Variants in IFT70B observed in about 807,000 individuals in gnomAD.
The protein encoded by IFT70B is intraflagellar transport protein 70B.
At chr2:177,550,966 G>A in the IFT70B span, 70 of 1,614,116 alleles carry the variant, frequency 4.3e-5, no homozygotes, top group East Asian at 1.3e-3. Flanking sequence ...ATGATTGTGT[G>A]TTTTGACATG....
chr2:177,552,750 C>A, the IFT70B span: 1 of 1,570,826 alleles, frequency 6.4e-7, no homozygotes, highest in Non-Finnish European at 8.6e-7. Context: ...CTGCGCGCCG[C>A]TCAGGCCAGC....
chr2:177,552,272 G>C, the IFT70B span: 21 of 1,614,108 alleles, frequency 1.3e-5, no homozygotes, highest in Middle Eastern at 9.9e-4. Context: ...CCTCCTTGTA[G>C]AGCAAACAAC....
chr2:177,552,240 G>A, the IFT70B span: 12 of 1,614,236 alleles, frequency 7.4e-6, no homozygotes, highest in Admixed American at 2.0e-4. Flanking sequence ...AAAAAACTTG[G>A]AGCATGCAGC....
chr2:177,552,580 C>T, the IFT70B span: 3 of 1,596,938 alleles, frequency 1.9e-6, no homozygotes, highest in Non-Finnish European at 2.6e-6. Context: ...GCCGCCAGCG[C>T]GAACTCCTGC....
At chr2:177,551,275 T>C in the IFT70B span, 2 of 1,613,506 alleles carry the variant, frequency 1.2e-6, no homozygotes, top group Non-Finnish European at 1.7e-6. Context: ...ACAATAGCAC[T>C]GACATTCAGG....
At chr2:177,551,672 A>G in the IFT70B span, 17 of 1,614,070 alleles carry the variant, frequency 1.1e-5, no homozygotes, top group Middle Eastern at 3.3e-4. Context: ...AAGTGATCAC[A>G]GCGTCCAAGA....
chr2:177,550,669 G>C, the IFT70B span: 1 of 1,158,452 alleles, frequency 8.6e-7, no homozygotes, highest in South Asian at 1.6e-5. Context: ...AGTGTACAAA[G>C]TTCAACATGT....
chr2:177,552,702 A>T, the IFT70B span: 5 of 1,599,346 alleles, frequency 3.1e-6, no homozygotes, highest in Middle Eastern at 5.0e-4. Context: ...ATTGCGGATG[A>T]GGCGGTACAC....
chr2:177,552,135 T>C, the IFT70B span: 45 of 1,614,124 alleles, frequency 2.8e-5, no homozygotes, highest in Non-Finnish European at 3.6e-5. Flanking sequence ...CTCAGCGATA[T>C]GCTTCAGTGC....
the IFT70B span, chr2:177,549,045 A>G: frequency 6.6e-6 from 1 of 152,204 alleles, no homozygotes; most frequent in Non-Finnish European, 1.5e-5. Flanking sequence ...TGGCCATTGA[A>G]AACAAGATTT....
At chr2:177,551,171 G>C in the IFT70B span, 2 of 1,613,996 alleles carry the variant, frequency 1.2e-6, no homozygotes, top group East Asian at 2.2e-5. Flanking sequence ...CATCATAAGA[G>C]AGCTGCTCTT....
chr2:177,550,531 T>A, the IFT70B span: 1 of 381,158 alleles, frequency 2.6e-6, no homozygotes, highest in Middle Eastern at 6.9e-4. Flanking sequence ...TATTACAACT[T>A]CTGATATAAA....
the IFT70B span, chr2:177,550,874 A>G: frequency 6.2e-7 from 1 of 1,614,170 alleles, no homozygotes; most frequent in Non-Finnish European, 8.5e-7. Context: ...GGGGTTGTTC[A>G]ATAACAGCAG....
chr2:177,550,955 C>T, the IFT70B span: 1 of 1,614,114 alleles, frequency 6.2e-7, no homozygotes, highest in Non-Finnish European at 8.5e-7. Flanking sequence ...TATCACGAAG[C>T]ATGATTGTGT....
At chr2:177,551,675 G>C in the IFT70B span, 3 of 1,614,022 alleles carry the variant, frequency 1.9e-6, no homozygotes, top group Non-Finnish European at 2.5e-6. Flanking sequence ...TGATCACAGC[G>C]TCCAAGAAGT....
chr2:177,550,610 G>T, the IFT70B span: 1 of 617,802 alleles, frequency 1.6e-6, no homozygotes, highest in Non-Finnish European at 2.5e-6. Flanking sequence ...TCACTTTCTG[G>T]GAAATTTAAC....
chr2:177,551,973 A>T, the IFT70B span: 1 of 1,614,184 alleles, frequency 6.2e-7, no homozygotes, highest in Non-Finnish European at 8.5e-7. Context: ...ATAGTTTCTC[A>T]GTTGGTATTC....
At chr2:177,552,531 A>G in the IFT70B span, 5 of 1,600,890 alleles carry the variant, frequency 3.1e-6, no homozygotes, top group Non-Finnish European at 4.3e-6. Context: ...GTACTGCTCC[A>G]GTTCCGGGTG....
chr2:177,552,452 A>C, the IFT70B span: 6 of 1,612,840 alleles, frequency 3.7e-6, no homozygotes, highest in Admixed American at 8.3e-5. Flanking sequence ...TATCCAGGAG[A>C]AGGAAGGCGA....
Sources: allele counts gnomAD v4.1 joint callset, GRCh38; gene constraint gnomAD v4.1.1; transcripts MANE v1.5; gene names NCBI Gene and HGNC (gene_info 2026-07-23, HGNC 2026-07-21).